CTNNA3: variants seen among roughly 807,000 people sequenced by gnomAD.
CTNNA3 encodes the protein catenin alpha 3, also known as catenin alpha-3.
In CTNNA3, 76 loss-of-function variants were observed where a neutral mutation model predicts 95.7. The ratio of observed to expected loss-of-function variants is 0.79; its 90% CI spans 0.66 to 0.96. The LOEUF is 0.96. Among genes scored for constraint, CTNNA3 ranks in the 40% least tolerant of loss-of-function variants. The pLI, the probability that CTNNA3 is intolerant of heterozygous loss-of-function variation, is 0.00. For synonymous variants in CTNNA3, 431 were observed against 374.4 expected (o/e 1.15, Z -1.74); for missense variants, 1,191 against 1,089.8 (o/e 1.09, Z -1.31).
At chr10:67,324,698 C>T in intron 5 of CTNNA3, among the ~76,000 whole-genome samples, 1 of 150,410 alleles carries the variant, frequency 6.6e-6, no homozygotes, top group Non-Finnish European at 1.5e-5. Context: ...CTGAAATTTT[C>T]TCCTTTTTTT....
intron 5 of CTNNA3, among the ~76,000 whole-genome samples, chr10:67,306,413 A>G (rs1365164022): frequency 1.2e-4 from 19 of 152,212 alleles, no homozygotes. Flanking sequence ...GCAAGTTGCA[A>G]GATAGGTGAT....
chr10:67,331,045 T>C (rs1697404491), intron 5 of CTNNA3, among the ~76,000 whole-genome samples: 2 of 152,202 alleles, frequency 1.3e-5, no homozygotes, highest in African/African-American at 4.8e-5. Flanking sequence ...GGAAATTTTC[T>C]GGGTATTTTT....
intron 12 of CTNNA3, among the ~76,000 whole-genome samples, chr10:66,288,193 T>C (rs1281457783): frequency 2.0e-5 from 3 of 152,106 alleles, no homozygotes; most frequent in Non-Finnish European, 2.9e-5. Flanking sequence ...TTGCCTATCT[T>C]CACACACATT....
chr10:66,793,933 T>G (rs978756007), intron 7 of CTNNA3, among the ~76,000 whole-genome samples: 2 of 152,300 alleles, frequency 1.3e-5, no homozygotes, highest in Middle Eastern at 3.4e-3. Context: ...CATTAGCTAT[T>G]AGTCACAAAT....
At chr10:66,833,739 G>A (rs1473291014) in intron 7 of CTNNA3, among the ~76,000 whole-genome samples, 1 of 152,108 alleles carries the variant, frequency 6.6e-6, no homozygotes, top group East Asian at 1.9e-4. Context: ...AATCTCAAGT[G>A]AACTACATAT....
At chr10:67,572,213 T>A (rs970337117) in intron 3 of CTNNA3, among the ~76,000 whole-genome samples, 5 of 152,216 alleles carry the variant, frequency 3.3e-5, no homozygotes, top group Non-Finnish European at 7.3e-5. Flanking sequence ...TAAATTTTTT[T>A]TGTAAATGCT....
rs181082394 is a variant in CTNNA3, at chr10:67,260,833, T to C, written c.580-40963A>G. ...CTGAGTAGCTGGGATTACAGGCATGTGCCACCACACCCGGCTAATTTTTTT... is the reference window on the plus strand; with the variant it reads ...CTGAGTAGCTGGGATTACAGGCATGCGCCACCACACCCGGCTAATTTTTTT... On this transcript the variant is annotated intron_variant, in intron 5 of 17. Transcript: ENST00000433211. 6.1e-3 allele frequency among the ~76,000 whole-genome samples: 926 copies of C among 152,108 alleles called. 12 individuals are homozygous for C. Among genetic ancestry groups the C allele is most frequent in the African/African-American group, 0.021 (881 of 41,500 alleles).
intron 10 of CTNNA3, among the ~76,000 whole-genome samples, chr10:66,547,347 C>CTTTTTTTTTTTTTTTTTTTTTTT (rs1296263060): frequency 9.2e-6 from 1 of 109,284 alleles, no homozygotes; most frequent in African/African-American, 3.5e-5. Context: ...TTCTTTCTTT[C>CTTTTTTTTTTTTTTTTTTTTTTT]TTTTTTTTTT....
intron 3 of CTNNA3, among the ~76,000 whole-genome samples, chr10:67,577,467 T>G (rs1200440069): frequency 6.6e-6 from 1 of 152,108 alleles, no homozygotes; most frequent in Non-Finnish European, 1.5e-5. Flanking sequence ...TTTCTCCCAT[T>G]TTGTAGGTTG....
At chr10:66,377,709 T>A (rs1315048695) in intron 12 of CTNNA3, among the ~76,000 whole-genome samples, 2 of 151,258 alleles carry the variant, frequency 1.3e-5, no homozygotes, top group Non-Finnish European at 3.0e-5. Context: ...TCTCAGAAGG[T>A]AGAAAAAAAT....
At chr10:66,382,849 C>T (rs2092853113) in intron 11 of CTNNA3, among the ~76,000 whole-genome samples, 1 of 152,036 alleles carries the variant, frequency 6.6e-6, no homozygotes, top group South Asian at 2.1e-4. Flanking sequence ...AGCTGAGGGA[C>T]CTGATAGAAG....
At chr10:66,029,218 A>T (rs1411925361) in intron 15 of CTNNA3, among the ~76,000 whole-genome samples, 2 of 152,168 alleles carry the variant, frequency 1.3e-5, no homozygotes, top group Non-Finnish European at 2.9e-5. Flanking sequence ...TTATTTATCA[A>T]TATAGGAGTA....
intron 1 of CTNNA3, among the ~76,000 whole-genome samples, chr10:67,754,200 A>C (rs1841421762): frequency 6.6e-6 from 1 of 152,158 alleles, no homozygotes; most frequent in Non-Finnish European, 1.5e-5. Flanking sequence ...TATTTTCAGC[A>C]AACTCACACA....
At chr10:66,890,599 A>G (rs1845230463) in intron 7 of CTNNA3, among the ~76,000 whole-genome samples, 1 of 152,040 alleles carries the variant, frequency 6.6e-6, no homozygotes, top group Non-Finnish European at 1.5e-5. Context: ...TGGGAGTAAA[A>G]AGAGATTGAA....
chr10:66,457,911 G>A (rs1408011144), intron 11 of CTNNA3, among the ~76,000 whole-genome samples: 2 of 152,132 alleles, frequency 1.3e-5, no homozygotes, highest in East Asian at 1.9e-4. Context: ...GAAGTGATGA[G>A]TAACTGTCTC....
intron 6 of CTNNA3, among the ~76,000 whole-genome samples, chr10:67,187,009 C>T (rs1437258514): frequency 6.6e-6 from 1 of 152,108 alleles, no homozygotes; most frequent in Non-Finnish European, 1.5e-5. Flanking sequence ...GTATTGATAT[C>T]ATCCTCTATA....
chr10:67,250,116 T>C (rs891901019), intron 5 of CTNNA3, among the ~76,000 whole-genome samples: 2 of 152,188 alleles, frequency 1.3e-5, no homozygotes, highest in South Asian at 4.1e-4. Flanking sequence ...TTGAACAGCA[T>C]GGGTTTGAGC....
intron 13 of CTNNA3, among the ~76,000 whole-genome samples, chr10:66,150,491 TTTTTTA>T (rs2084144266): frequency 6.6e-6 from 1 of 151,954 alleles, no homozygotes. Flanking sequence ...TTTTTTCTAT[TTTTTTA>T]TTTTTAATTT....
intron 15 of CTNNA3, among the ~76,000 whole-genome samples, chr10:65,992,386 T>G (rs963995248): frequency 6.6e-6 from 1 of 152,206 alleles, no homozygotes; most frequent in Non-Finnish European, 1.5e-5. Context: ...GGGCTTCTCT[T>G]TTTCGGGAGT....
Sources: gnomAD v4.1 joint callset for allele counts (sites outside exome capture counted in the v4.1 genomes callset) on GRCh38, gnomAD v4.1.1 for gene constraint, MANE v1.5 for transcripts, NCBI Gene and HGNC (gene_info 2026-07-23, HGNC 2026-07-21) for gene names.